The following CACHD1 variants were observed in gnomAD, a reference collection of about 807,000 sequenced individuals.
CACHD1 encodes VWFA and cache domain-containing protein 1.
A neutral mutation model predicts 138.7 loss-of-function variants in CACHD1; 71 were observed. The ratio of observed to expected loss-of-function variants is 0.51; its 90% CI spans 0.42 to 0.62. CACHD1 has a LOEUF of 0.62. CACHD1 is among the 20% of genes least tolerant of loss of function. The probability of loss-of-function intolerance (pLI) is 0.00; values close to 1 mark genes in which losing one functional copy is unlikely to be tolerated. For missense variants in CACHD1, 1,389 were observed against 1,625.3 expected (o/e 0.85, Z 2.50); for synonymous variants, 578 against 591.5 (o/e 0.98, Z 0.33).
At chr1:64,534,340 G>A (rs307340) in intron 1 of CACHD1, among the ~76,000 whole-genome samples, 24,109 of 152,088 alleles carry the variant, frequency 0.16, 3,708 homozygotes, top group African/African-American at 0.41. Context: ...CACCGCGCCC[G>A]GCCATCTTTT....
At chr1:64,664,455 T>A (rs1297589562) in intron 14 of CACHD1, 43 bp from the exon 15 acceptor site, 3 of 1,578,528 alleles carry the variant, frequency 1.9e-6, no homozygotes, top group Non-Finnish European at 1.7e-6. Context: ...TCTTTTCATG[T>A]GAGTTTTAAA....
chr1:64,571,765 A>G (rs548114407), intron 2 of CACHD1, among the ~76,000 whole-genome samples: 1 of 152,344 alleles, frequency 6.6e-6, no homozygotes, highest in South Asian at 2.1e-4. Flanking sequence ...TCCTTCATTT[A>G]TGCAGCAAAC....
intron 1 of CACHD1, among the ~76,000 whole-genome samples, chr1:64,508,622 G>A (rs1472182897): frequency 6.6e-6 from 1 of 152,288 alleles, no homozygotes; most frequent in Non-Finnish European, 1.5e-5. Flanking sequence ...TTCAGTGATT[G>A]ACATTAAACA....
At chr1:64,691,044 A>C (rs1184818331) in intron 26 of CACHD1, among the ~76,000 whole-genome samples, 1 of 151,244 alleles carries the variant, frequency 6.6e-6, no homozygotes, top group East Asian at 1.9e-4. Context: ...GGGATTTGGG[A>C]TAAGGGTTCT....
intron 1 of CACHD1, among the ~76,000 whole-genome samples, chr1:64,485,296 T>C (rs548763960): frequency 9.2e-5 from 14 of 152,338 alleles, no homozygotes; most frequent in Non-Finnish European, 1.8e-4. Flanking sequence ...TATCTGATGC[T>C]GCTCCTTTAT....
At chr1:64,642,854 C>T (rs902066097) in intron 8 of CACHD1, among the ~76,000 whole-genome samples, 2 of 151,008 alleles carry the variant, frequency 1.3e-5, no homozygotes, top group Non-Finnish European at 2.9e-5. Context: ...ACCTGGCCAA[C>T]AATGTGAAAC....
rs767214570 is a variant in CACHD1, at chr1:64,474,797, G to A, written c.198+3855G>A. On this transcript the variant is annotated intron_variant, in intron 1 of 26. Coordinates refer to ENST00000651257, the MANE Select transcript of CACHD1 (RefSeq NM_020925.4). ...ATAGGACAGTACAGGCTTCCTAACA[G>A]CAAGGGCCTGGCACAAGGCCAGTGT... Among the ~76,000 whole-genome samples, 4 of 152,250 alleles carry A rather than the reference G, an allele frequency of 2.6e-5. 1 individual carries two copies. The South Asian group carries it at 8.3e-4, about 31-fold the overall frequency.
chr1:64,512,558 T>C (rs998525289), intron 1 of CACHD1, among the ~76,000 whole-genome samples: 3 of 152,018 alleles, frequency 2.0e-5, no homozygotes, highest in African/African-American at 7.3e-5. Flanking sequence ...AAAATAACAG[T>C]CTGCAGGTGT....
At chr1:64,505,456 C>A (rs1362950122) in intron 1 of CACHD1, among the ~76,000 whole-genome samples, 1 of 152,108 alleles carries the variant, frequency 6.6e-6, no homozygotes, top group Non-Finnish European at 1.5e-5. Flanking sequence ...CCTCGGAGAG[C>A]GGCTCAGCGA....
At chr1:64,521,031 C>A (rs559566277) in intron 1 of CACHD1, among the ~76,000 whole-genome samples, 1 of 152,194 alleles carries the variant, frequency 6.6e-6, no homozygotes, top group Non-Finnish European at 1.5e-5. Context: ...TTATTCTATC[C>A]CAGTTTCTTT....
chr1:64,477,204 G>C (rs1646178830), intron 1 of CACHD1, among the ~76,000 whole-genome samples: 1 of 152,194 alleles, frequency 6.6e-6, no homozygotes, highest in Non-Finnish European at 1.5e-5. Flanking sequence ...GTAAATATGA[G>C]AGCAGTTCAT....
At chr1:64,618,486 A>T (rs1647793112) in intron 4 of CACHD1, among the ~76,000 whole-genome samples, 1 of 152,170 alleles carries the variant, frequency 6.6e-6, no homozygotes, top group Non-Finnish European at 1.5e-5. Flanking sequence ...TAACTGACGT[A>T]ATGTAGATAA....
chr1:64,498,844 A>T (rs191227096), intron 1 of CACHD1, among the ~76,000 whole-genome samples: 36 of 152,352 alleles, frequency 2.4e-4, no homozygotes, highest in Non-Finnish European at 1.0e-4. Flanking sequence ...TGGGAAAATG[A>T]CCAGAAAGAA....
At chr1:64,495,967 G>A (rs757160808) in intron 1 of CACHD1, among the ~76,000 whole-genome samples, 51 of 152,184 alleles carry the variant, frequency 3.4e-4, no homozygotes, top group East Asian at 2.7e-3. Context: ...CTATATTTTC[G>A]TTTTATTATA....
At chr1:64,577,116 TG>T (rs1337445608) in intron 2 of CACHD1, among the ~76,000 whole-genome samples, 3 of 152,052 alleles carry the variant, frequency 2.0e-5, no homozygotes, top group African/African-American at 7.2e-5. Context: ...GCTAATTTTT[TG>T]TATTTTTTGG....
At chr1:64,496,490 C>T (rs1646307000) in intron 1 of CACHD1, among the ~76,000 whole-genome samples, 1 of 152,068 alleles carries the variant, frequency 6.6e-6, no homozygotes, top group East Asian at 1.9e-4. Context: ...ACAACCTTCC[C>T]AGTCTAATTT....
At chr1:64,533,478 G>T (rs1646605351) in intron 1 of CACHD1, among the ~76,000 whole-genome samples, 1 of 152,172 alleles carries the variant, frequency 6.6e-6, no homozygotes, top group Non-Finnish European at 1.5e-5. Flanking sequence ...CTTTTCAGAG[G>T]CTGAGAGTGG....
chr1:64,585,710 CAGAG>C (rs1647046309), intron 3 of CACHD1, among the ~76,000 whole-genome samples: 1 of 152,186 alleles, frequency 6.6e-6, no homozygotes, highest in African/African-American at 2.4e-5. Flanking sequence ...TACCTGACAA[CAGAG>C]AGATCTTTTG....
chr1:64,533,681 A>T (rs1050545147), intron 1 of CACHD1, among the ~76,000 whole-genome samples: 1 of 151,968 alleles, frequency 6.6e-6, no homozygotes, highest in African/African-American at 2.4e-5. Context: ...AGAATACTAT[A>T]CATGATGTGT....
Sources: allele counts gnomAD v4.1 joint callset (sites outside exome capture counted in the v4.1 genomes callset), GRCh38; gene constraint gnomAD v4.1.1; transcripts MANE v1.5; gene names NCBI Gene and HGNC (gene_info 2026-07-23, HGNC 2026-07-21).